The following BTBD2 variants were observed in gnomAD, a reference collection of about 807,000 sequenced individuals.
The protein encoded by BTBD2 is BTB domain containing 2.
BTBD2 carries 15 observed loss-of-function variants against 44.0 expected under a neutral mutation model. The ratio of observed to expected loss-of-function variants is 0.34; its 90% CI spans 0.23 to 0.53. The LOEUF is 0.53. BTBD2 is among the 20% of genes least tolerant of loss of function. The pLI is 0.95. For missense variants in BTBD2, 657 were observed against 746.4 expected, an observed-to-expected ratio of 0.88 and a Z score of 1.39; for synonymous variants, 443 against 335.9, an observed-to-expected ratio of 1.32 and a Z score of -3.49.
chr19:2,008,538 G>C (rs934370738), intron 1 of BTBD2, among the ~76,000 whole-genome samples: 7 of 149,490 alleles, frequency 4.7e-5, no homozygotes, highest in African/African-American at 1.7e-4. Context: ...TGATCTGCCC[G>C]CCTTGGCCTC....
intron 1 of BTBD2, among the ~76,000 whole-genome samples, chr19:2,000,555 A>C (rs1212717739): frequency 6.6e-6 from 1 of 152,080 alleles, no homozygotes; most frequent in African/African-American, 2.4e-5. Flanking sequence ...GGGCTCCTCC[A>C]ACACCGAGCC....
At position 2,015,089 on chromosome 19, in the gene BTBD2, T is replaced by A. The variant is rs543087274; in HGVS notation, c.407+208A>T. ...CCCAGGGACAGAGGGGTGCAGGGCC[T>A]CAGGTGCAGGCCCCGGGGTGCAGGC... On this transcript the variant is annotated intron_variant, in intron 1 of 8. Coordinates refer to ENST00000255608, the MANE Select transcript of BTBD2 (RefSeq NM_017797.4). Among the ~76,000 whole-genome samples the A allele has an allele frequency of 2.8e-3, 388 of 136,608 alleles. 3 individuals are homozygous for A. The highest frequency in any genetic ancestry group is 4.5e-3 in the Middle Eastern group (1 of 222). 89.6% of individuals were successfully genotyped at this position (136,608 alleles called of 152,430 possible). A position where few individuals can be genotyped will look rare whatever the true frequency, so the allele number is the denominator to read the frequency against.
rs1419720620 is a variant in BTBD2 at position 1,985,464 on chromosome 19, C to CTTTA, written c.*1020_*1023dup. Reference sequence around the variant, plus strand: ...GCGCTCAAGGCAGGTGCATTTGTTTCTTTATTTAAAAAAATCATCTGGGGG... The same window carrying CTTTA: ...GCGCTCAAGGCAGGTGCATTTGTTTCTTTATTTATTTAAAAAAATCATCTGGGGG... On this transcript the variant is annotated 3_prime_UTR_variant, in exon 9 of 9. Coordinates refer to ENST00000255608, the MANE Select transcript of BTBD2 (RefSeq NM_017797.4). The CTTTA allele has an allele frequency of 6.6e-6, 1 of 152,286 alleles. No individual in the cohort carries two copies. The highest frequency in any genetic ancestry group is 1.5e-5 in the Non-Finnish European group (1 of 68,050). 9.4% of individuals were successfully genotyped at this position (152,286 alleles called of 1,614,324 possible).
In BTBD2 at chr19:1,986,965, G is replaced by C; in HGVS notation, c.1281C>G (p.Thr427=). 2 of 1,612,346 alleles carry C rather than the reference G, an allele frequency of 1.2e-6. No individual in the cohort carries two copies. The highest frequency in any genetic ancestry group is 1.7e-6 in the Non-Finnish European group (2 of 1,179,240). ...DYQVNIQIIH[T]DSNTVLGQND... Reference sequence around the variant, plus strand: ...TCTGGCCCAAGACGGTGTTGCTATCGGTGTGAATAATCTGCGGGGAGGTGG... The same window carrying C: ...TCTGGCCCAAGACGGTGTTGCTATCCGTGTGAATAATCTGCGGGGAGGTGG... Residue 427 remains threonine (T), a synonymous_variant, in exon 8 of 9, where the codon ACC becomes ACG. Transcript: ENST00000255608.
At chr19:1,996,420 G>T (rs1297779554) in intron 2 of BTBD2, among the ~76,000 whole-genome samples, 2 of 151,722 alleles carry the variant, frequency 1.3e-5, no homozygotes, top group African/African-American at 4.8e-5. Flanking sequence ...TTCAATCCAT[G>T]GACATGGGAT....
intron 4 of BTBD2, among the ~76,000 whole-genome samples, 155 bp downstream of exon 4, chr19:1,990,562 G>C (rs568774841): frequency 5.9e-5 from 9 of 152,316 alleles, no homozygotes; most frequent in African/African-American, 2.2e-4. Flanking sequence ...CTCCCGTGGG[G>C]CTGTGCTAGG....
In BTBD2 at chr19:1,986,381, G is replaced by T; in HGVS notation, c.*107C>A. On this transcript the variant is annotated 3_prime_UTR_variant, in exon 9 of 9. Transcript: ENST00000255608. ...TGGCATGGAGTGGACAGACGGCCTGGGGGACACTGGGCCTGGCACCGCGTG... is the reference window on the plus strand; with the variant it reads ...TGGCATGGAGTGGACAGACGGCCTGTGGGACACTGGGCCTGGCACCGCGTG... 7.2e-7 allele frequency: 1 copy of T among 1,383,212 alleles called. No individual in the cohort carries two copies. The highest frequency in any genetic ancestry group is 1.4e-5 in the African/African-American group (1 of 70,742). 85.7% of individuals were successfully genotyped at this position (1,383,212 alleles called of 1,614,324 possible).
At chr19:2,013,502 T>C in intron 1 of BTBD2, 2 of 985,346 alleles carry the variant, frequency 2.0e-6, no homozygotes, top group African/African-American at 3.5e-5. Flanking sequence ...TGGCAGGGGA[T>C]CATAGGATGG....
At chr19:1,989,503 G>A (rs1355429769) in intron 5 of BTBD2, 1 of 186,386 alleles carries the variant, frequency 5.4e-6, no homozygotes, top group Non-Finnish European at 1.1e-5. Flanking sequence ...AAAGTTCCAG[G>A]CCTGTTTTGC....
chr19:2,015,594 G>C lies in BTBD2; in HGVS notation c.110C>G (p.Ala37Gly). 1 of 969,632 alleles carries C rather than the reference G, an allele frequency of 1.0e-6. No individual in the cohort carries two copies. Among genetic ancestry groups the C allele is most frequent in the Non-Finnish European group, 1.2e-6 (1 of 822,070 alleles). 60.1% of individuals were successfully genotyped at this position (969,632 alleles called of 1,614,324 possible). ...GGCGGCGGCGGCCGCGTTGCCGGGG[G>C]CCGGGGTGGCGGCGGCGTTGGCGCT... ...GPSANAAATPAPGNAAAAAAA... is the reference protein window; with the variant it reads ...GPSANAAATPGPGNAAAAAAA... Residue 37 changes from alanine (A) to glycine (G), a missense_variant, in exon 1 of 9, where the codon GCC (alanine) becomes GGC (glycine). This residue lies in a region of BTBD2 where 191 missense variants were observed against 188.5 expected (regional missense o/e 1.01). Transcript: ENST00000255608.
At chr19:2,011,910 A>G (rs567937261) in intron 1 of BTBD2, among the ~76,000 whole-genome samples, 42 of 151,644 alleles carry the variant, frequency 2.8e-4, no homozygotes, top group African/African-American at 9.4e-4. Flanking sequence ...GCTGGAGTGC[A>G]GTAGCGCAAC....
rs568252696 is a variant in BTBD2, at chr19:1,986,276, G to A, written c.*212C>T. 26 of 613,494 alleles carry A rather than the reference G, an allele frequency of 4.2e-5. No individual in the cohort carries two copies. In the East Asian group the frequency reaches 7.5e-4, roughly 18 times the overall value. 38.0% of individuals were successfully genotyped at this position (613,494 alleles called of 1,614,324 possible). On this transcript the variant is annotated 3_prime_UTR_variant, in exon 9 of 9. Coordinates refer to ENST00000255608, the MANE Select transcript of BTBD2 (RefSeq NM_017797.4). Reference sequence around the variant, plus strand: ...CTCCACAGGGCCTGGCCACTGGCCTGGCCACCTCCCCGGCTGCCCTGATCC... The same window carrying A: ...CTCCACAGGGCCTGGCCACTGGCCTAGCCACCTCCCCGGCTGCCCTGATCC...
chr19:1,986,645 G>A lies in BTBD2; in HGVS notation c.1421C>T (p.Pro474Leu). The A allele has an allele frequency of 6.2e-7, 1 of 1,613,642 alleles. No individual in the cohort carries two copies. The highest frequency in any genetic ancestry group is 8.5e-7 in the Non-Finnish European group (1 of 1,179,746). ...GCCTTTGGTGCCGTAGTGGGAGTCTGGGCCCTGTAGGGAATAGGGGTACAG... is the reference window on the plus strand; with the variant it reads ...GCCTTTGGTGCCGTAGTGGGAGTCTAGGCCCTGTAGGGAATAGGGGTACAG... ...NYTACATLKG[P>L]DSHYGTKGLR... is the part of the protein sequence containing the mutation. The change falls in exon 9 of 9, where the codon CCA becomes CTA. Residue 474 changes from proline (P) to leucine (L), a missense_variant. This residue lies in a region of BTBD2 where 449 missense variants were observed against 510.9 expected (regional missense o/e 0.88). Transcript: ENST00000255608.
At chr19:2,013,076 GC>G (rs1295981977) in intron 1 of BTBD2, among the ~76,000 whole-genome samples, 7 of 152,230 alleles carry the variant, frequency 4.6e-5, no homozygotes, top group Admixed American at 4.6e-4. Context: ...GCCGTAGGAG[GC>G]CCCGGAACCC....
At chr19:1,995,276 ATTCTTTT>A (rs1408304020) in intron 2 of BTBD2, among the ~76,000 whole-genome samples, 3 of 99,030 alleles carry the variant, frequency 3.0e-5, no homozygotes, top group African/African-American at 4.6e-5. Context: ...CATACTTTGG[ATTCTTTT>A]TTTTTTTTTT....
In BTBD2 at chr19:2,015,324, A is replaced by G. The variant is rs1409971668; in HGVS notation, c.380T>C (p.Leu127Pro). The change falls in exon 1 of 9, where the codon CTC becomes CCC. Residue 127 changes from leucine to proline, a missense_variant. Around this residue, in one of 3 missense-constraint regions of BTBD2, gnomAD observed 191 missense variants for 188.5 expected, o/e 1.01. Transcript: ENST00000255608. The part of the protein sequence containing the change: ...CDVHFLVGKG[L>P]SSQRIPAHRF... ...GTGCGCGGGGATGCGCTGCGAGCTG[A>G]GCCCCTTGCCCACCAGGAAGTGCAC... is the stretch of plus-strand genomic sequence containing the variant. 1 of 1,576,308 alleles carries G rather than the reference A, an allele frequency of 6.3e-7. No individual in the cohort carries two copies. The highest frequency in any genetic ancestry group is 8.6e-7 in the Non-Finnish European group (1 of 1,168,786).
rs116505504 is a variant in BTBD2 at position 1,998,852 on chromosome 19, C to T, written c.408-1389G>A. On this transcript the variant is annotated intron_variant, in intron 1 of 8. Transcript: ENST00000255608. ...CTCGCGAAGTGGGATCACAGACGCT[C>T]GGCCTGCGCGCGGCGGAGCACCTGC... is the stretch of plus-strand genomic sequence containing the variant. Among the ~76,000 whole-genome samples the T allele has an allele frequency of 3.3e-3, 500 of 152,212 alleles. 3 individuals carry two copies. Among genetic ancestry groups the T allele is most frequent in the African/African-American group, 0.011 (473 of 41,534 alleles).
intron 1 of BTBD2, 131 bp downstream of exon 1, chr19:2,015,166 G>C (rs2016517257): frequency 3.8e-6 from 5 of 1,330,770 alleles, no homozygotes; most frequent in Non-Finnish European, 4.9e-6. Flanking sequence ...CCCGGGGACA[G>C]AGGGGTGCAG....
At chr19:1,989,978 C>T in intron 5 of BTBD2, 26 bp downstream of exon 5, 1 of 1,611,508 alleles carries the variant, frequency 6.2e-7, no homozygotes, top group African/African-American at 1.3e-5. Flanking sequence ...CCTCCCAAAC[C>T]AGCCCCTGAG....
Sources: gnomAD v4.1 joint callset for allele counts (sites outside exome capture counted in the v4.1 genomes callset) on GRCh38, gnomAD v4.1.1 for gene constraint, gnomAD v4.1.1 regional missense constraint, MANE v1.5 for transcripts, NCBI Gene and HGNC (gene_info 2026-07-23, HGNC 2026-07-21) for gene names.